The following ADRA1B variants were observed in gnomAD, a reference collection of about 807,000 sequenced individuals.
The protein encoded by ADRA1B is adrenoceptor alpha 1B.
A neutral mutation model predicts 17.9 loss-of-function variants in ADRA1B; 17 were observed. The observed-to-expected ratio is 0.95, with a 90% CI of 0.65 to 1.42. The LOEUF (loss-of-function observed/expected upper bound fraction) is 1.42, where lower values mean the gene tolerates loss of function less well. Ranked by LOEUF, ADRA1B falls within the 40% of genes most tolerant of loss-of-function variation. The pLI, the probability that ADRA1B is intolerant of heterozygous loss-of-function variation, is 0.00. For synonymous variants in ADRA1B, 366 were observed against 327.6 expected, an observed-to-expected ratio of 1.12 and a Z score of -1.27; for missense variants, 681 against 722.1, an observed-to-expected ratio of 0.94 and a Z score of 0.65.
downstream of ADRA1B, among the ~76,000 whole-genome samples, chr5:159,974,220 T>C (rs1441325183): frequency 6.6e-6 from 1 of 152,244 alleles, no homozygotes; most frequent in East Asian, 1.9e-4. Context: ...TTAGTTCTGC[T>C]TATCTTTGTG....
chr5:159,876,423 C>T (rs1194422893), intron 1 of ADRA1B, among the ~76,000 whole-genome samples: 2 of 152,076 alleles, frequency 1.3e-5, no homozygotes, highest in Non-Finnish European at 2.9e-5. Flanking sequence ...CTTTCTTATC[C>T]AGGAGCAAAA....
the ADRA1B span, among the ~76,000 whole-genome samples, chr5:159,985,692 A>ACG: frequency 6.6e-6 from 1 of 152,232 alleles, no homozygotes; most frequent in Admixed American, 6.5e-5. Context: ...AGCACACCAA[A>ACG]GGGTCTGGAA....
chr5:159,939,790 C>T (rs1467291606), intron 1 of ADRA1B, among the ~76,000 whole-genome samples: 1 of 152,224 alleles, frequency 6.6e-6, no homozygotes, highest in African/African-American at 2.4e-5. Context: ...TCTATCATGC[C>T]CCAAGCCTTT....
intron 1 of ADRA1B, among the ~76,000 whole-genome samples, chr5:159,898,160 T>C (rs1053939036): frequency 6.6e-6 from 1 of 152,214 alleles, no homozygotes; most frequent in Middle Eastern, 3.2e-3. Flanking sequence ...CCAGTTGTGT[T>C]GGCATCTGGG....
chr5:159,956,717 C>T (rs909657758), intron 1 of ADRA1B, among the ~76,000 whole-genome samples: 5 of 152,180 alleles, frequency 3.3e-5, no homozygotes, highest in African/African-American at 7.2e-5. Context: ...AAGCCATGCT[C>T]ATTTTAATTT....
intron 1 of ADRA1B, among the ~76,000 whole-genome samples, chr5:159,925,273 G>A (rs1387992852): frequency 3.3e-5 from 5 of 152,242 alleles, no homozygotes; most frequent in Admixed American, 3.3e-4. Context: ...ATATCCTGGT[G>A]AGACCATAAA....
chr5:159,987,429 G>A, the ADRA1B span, among the ~76,000 whole-genome samples: 4 of 152,288 alleles, frequency 2.6e-5, no homozygotes, highest in African/African-American at 9.6e-5. Context: ...TCCTCCTTAC[G>A]TGCAGAGACT....
At chr5:159,890,375 G>A (rs549123107) in intron 1 of ADRA1B, among the ~76,000 whole-genome samples, 1 of 152,142 alleles carries the variant, frequency 6.6e-6, no homozygotes, top group Non-Finnish European at 1.5e-5. Flanking sequence ...TATTAAATTA[G>A]TCATCTATTG....
the ADRA1B span, among the ~76,000 whole-genome samples, chr5:159,986,660 T>C: frequency 3.9e-5 from 6 of 152,188 alleles, no homozygotes; most frequent in African/African-American, 1.4e-4. Context: ...TAAGACCCAG[T>C]AATCTGCGTT....
rs1200695264 is a variant in ADRA1B, at chr5:159,917,403, G to A, written c.498G>A (p.Leu166=). 2 of 1,614,158 alleles carry A rather than the reference G, an allele frequency of 1.2e-6. No homozygotes were observed. Among genetic ancestry groups the A allele is most frequent in the East Asian group, 4.5e-5 (2 of 44,880 alleles). ...CCCGGAGGAAGGCCATCTTGGCGCT[G>A]CTCAGTGTCTGGGTCTTGTCCACCG... ...LVTRRKAILA[L]LSVWVLSTVI... Residue 166 remains leucine (L), a synonymous_variant, in exon 1 of 2, where the codon CTG becomes CTA. Coordinates refer to ENST00000306675, the MANE Select transcript of ADRA1B (RefSeq NM_000679.4).
chr5:159,974,961 C>T (rs1755949515), downstream of ADRA1B, among the ~76,000 whole-genome samples: 1 of 152,132 alleles, frequency 6.6e-6, no homozygotes. Flanking sequence ...TTCCCCTGTG[C>T]TTTGTCCAGT....
At chr5:159,969,944 AAC>A (rs1227235426) in intron 1 of ADRA1B, among the ~76,000 whole-genome samples, 4 of 152,156 alleles carry the variant, frequency 2.6e-5, no homozygotes, top group Admixed American at 6.5e-5. Flanking sequence ...TTAAAAAAAA[AAC>A]ACATTTTTAT....
chr5:159,972,537 G>T lies in ADRA1B; in HGVS notation c.*45G>T, dbSNP rs539624929. Reference sequence around the variant, plus strand: ...CTTTCCCTGGGGAGGAAAACATCGTGGGGGGGAGGGGAGGGCGGGGCGGAG... The same window carrying T: ...CTTTCCCTGGGGAGGAAAACATCGTTGGGGGGAGGGGAGGGCGGGGCGGAG... On this transcript the variant is annotated 3_prime_UTR_variant, in exon 2 of 2. Transcript: ENST00000306675. The T allele has an allele frequency of 1.0e-5, 11 of 1,077,888 alleles. No homozygotes were observed. Among genetic ancestry groups the T allele is most frequent in the African/African-American group, 1.7e-5 (1 of 59,876 alleles). The allele number at this position is 1,077,888 out of a possible 1,614,324, so 66.8% of individuals were successfully genotyped here. A position where few individuals can be genotyped will look rare whatever the true frequency, so the allele number is the denominator to read the frequency against.
chr5:159,918,048 G>A (rs13306139), intron 1 of ADRA1B, among the ~76,000 whole-genome samples, 194 bp downstream of exon 1: 20 of 152,290 alleles, frequency 1.3e-4, no homozygotes, highest in East Asian at 9.6e-4. Context: ...GGTGTTAGTA[G>A]AACACGCTAA....
intron 1 of ADRA1B, among the ~76,000 whole-genome samples, chr5:159,945,193 G>A (rs535176430): frequency 1.3e-5 from 2 of 152,236 alleles, no homozygotes; most frequent in South Asian, 4.2e-4. Context: ...TGGCCAACGT[G>A]GTGAAACCCT....
the ADRA1B span, among the ~76,000 whole-genome samples, chr5:159,983,228 A>G: frequency 6.6e-6 from 1 of 152,100 alleles, no homozygotes; most frequent in African/African-American, 2.4e-5. Flanking sequence ...CCCTATCCCA[A>G]CCAGATCCCT....
chr5:159,872,535 G>A (rs1359413613), intron 1 of ADRA1B, among the ~76,000 whole-genome samples: 1 of 152,166 alleles, frequency 6.6e-6, no homozygotes. Flanking sequence ...CTCAGAGAAG[G>A]TGATGTGATT....
chr5:159,917,545 A>G lies in ADRA1B; in HGVS notation c.640A>G (p.Ile214Val), dbSNP rs763003987. 4 of 1,613,904 alleles carry G rather than the reference A, an allele frequency of 2.5e-6. No homozygotes were observed. The African/African-American group carries it at 4.0e-5, about 16-fold the overall frequency. ...CTTCTCCTCTCTGGGCTCCTTCTAC[A>G]TCCCTCTGGCGGTCATTCTAGTCAT... Reference protein sequence around the residue: ...ALFSSLGSFYIPLAVILVMYC... With the variant: ...ALFSSLGSFYVPLAVILVMYC... The change falls in exon 1 of 2, where the codon ATC becomes GTC. Residue 214 changes from isoleucine to valine, a missense_variant. Coordinates refer to ENST00000306675, the MANE Select transcript of ADRA1B (RefSeq NM_000679.4).
intron 1 of ADRA1B, among the ~76,000 whole-genome samples, chr5:159,951,680 C>A (rs895783993): frequency 3.9e-5 from 6 of 152,186 alleles, no homozygotes; most frequent in African/African-American, 1.4e-4. Flanking sequence ...CCTGGCCTGG[C>A]TACCCACCCA....
Sources: gnomAD v4.1 joint callset for allele counts (sites outside exome capture counted in the v4.1 genomes callset) on GRCh38, gnomAD v4.1.1 for gene constraint, MANE v1.5 for transcripts, NCBI Gene and HGNC (gene_info 2026-07-23, HGNC 2026-07-21) for gene names.